GDPD4: variants seen among roughly 807,000 people sequenced by gnomAD.
GDPD4 encodes the protein glycerophosphodiester phosphodiesterase domain containing 4.
A neutral mutation model predicts 67.8 loss-of-function variants in GDPD4; 60 were observed. That is an observed-to-expected ratio of 0.88 (90% CI 0.72 to 1.10). The LOEUF is 1.10. Among genes scored for constraint, GDPD4 ranks in the 50% least tolerant of loss-of-function variants. The pLI is 0.00. For missense variants in GDPD4, 623 were observed against 613.9 expected (o/e 1.01, Z -0.16); for synonymous variants, 212 against 210.9 (o/e 1.00, Z -0.04).
intron 16 of GDPD4, 33 bp from the exon 17 acceptor site, chr11:77,217,347 T>G: frequency 6.5e-7 from 1 of 1,538,168 alleles, no homozygotes; most frequent in Non-Finnish European, 9.0e-7. Flanking sequence ...ATTCCTCAAA[T>G]GTCACTTCTC....
At chr11:77,250,750 T>C (rs990155915) in intron 11 of GDPD4, among the ~76,000 whole-genome samples, 11 of 152,342 alleles carry the variant, frequency 7.2e-5, no homozygotes, top group African/African-American at 2.6e-4. Context: ...CATAGTAGGA[T>C]GTTAAAGTCA....
chr11:77,235,024 T>TTGTTTTTTG (rs1958530456), intron 13 of GDPD4, among the ~76,000 whole-genome samples: 1 of 141,410 alleles, frequency 7.1e-6, no homozygotes, highest in Non-Finnish European at 1.6e-5. Context: ...TTTTTTTTTT[T>TTGTTTTTTG]TTTTTTTTTT....
Position 77,224,831 on chromosome 11 carries a change from G to A in GDPD4, c.1525+3033C>T, listed in dbSNP as rs183476184. Among the ~76,000 whole-genome samples the A allele has an allele frequency of 6.7e-3, 1,017 of 152,230 alleles. 1 individual carries two copies. Among genetic ancestry groups the A allele is most frequent in the Non-Finnish European group, 0.01 (690 of 68,028 alleles). On this transcript the variant is annotated intron_variant, in intron 16 of 16. Transcript: ENST00000315938. ...AAAAAACTAATATAGGCTGGGCAGG[G>A]TAGCTCACATCTGTAATTCCAGTGC...
At chr11:77,294,960 C>CTTT (rs144796072) in intron 1 of GDPD4, among the ~76,000 whole-genome samples, 34 of 66,366 alleles carry the variant, frequency 5.1e-4, no homozygotes, top group South Asian at 1.4e-3. Flanking sequence ...TACAACTTTG[C>CTTT]TTTTTTTTTT....
intron 3 of GDPD4, among the ~76,000 whole-genome samples, chr11:77,282,483 T>G (rs923699122): frequency 2.0e-5 from 3 of 147,308 alleles, no homozygotes; most frequent in African/African-American, 7.5e-5. Context: ...GCGAAACCTG[T>G]CTCCACAAAA....
chr11:77,220,599 C>T (rs62188584), intron 16 of GDPD4, among the ~76,000 whole-genome samples: 12,995 of 152,192 alleles, frequency 0.085, 1,868 homozygotes, highest in African/African-American at 0.29. Flanking sequence ...CTGCTGGATT[C>T]GGTTTGCCAG....
chr11:77,217,123 G>C lies in GDPD4; in HGVS notation c.*154C>G, dbSNP rs760152970. The stretch of plus-strand genomic sequence containing the variant: ...GCTTCAAAGGTGTGACAGCATTCTT[G>C]ATAGGTAGTAGTTTCTTGGATGGTG... On this transcript the variant is annotated 3_prime_UTR_variant, in exon 17 of 17. Coordinates refer to ENST00000315938, the MANE Select transcript of GDPD4 (RefSeq NM_182833.3). 2 of 724,088 alleles carry C rather than the reference G, an allele frequency of 2.8e-6. No homozygotes were observed. Among genetic ancestry groups the C allele is most frequent in the Admixed American group, 2.0e-5 (1 of 50,774 alleles). 44.9% of individuals were successfully genotyped at this position (724,088 alleles called of 1,614,324 possible). A position where few individuals can be genotyped will look rare whatever the true frequency, so the allele number is the denominator to read the frequency against.
intron 11 of GDPD4, among the ~76,000 whole-genome samples, chr11:77,258,114 G>C (rs1473563194): frequency 6.6e-6 from 1 of 152,190 alleles, no homozygotes. Flanking sequence ...TACTGTAAAA[G>C]CTTATGAAAT....
At chr11:77,298,117 G>C (rs913345934) in intron 1 of GDPD4, among the ~76,000 whole-genome samples, 2 of 151,288 alleles carry the variant, frequency 1.3e-5, no homozygotes, top group Non-Finnish European at 2.9e-5. Flanking sequence ...AAAAAAAAAA[G>C]ATTGAAATAA....
intron 5 of GDPD4, among the ~76,000 whole-genome samples, chr11:77,272,435 C>A (rs901308622): frequency 6.6e-6 from 1 of 152,128 alleles, no homozygotes; most frequent in Non-Finnish European, 1.5e-5. Context: ...CCAAACTTCA[C>A]TATGGATTTA....
At chr11:77,221,625 A>G (rs1277174990) in intron 16 of GDPD4, among the ~76,000 whole-genome samples, 2 of 152,050 alleles carry the variant, frequency 1.3e-5, no homozygotes, top group Non-Finnish European at 1.5e-5. Context: ...GTTCTTTTAC[A>G]TTTGCTGAGG....
intron 11 of GDPD4, among the ~76,000 whole-genome samples, chr11:77,249,413 C>A (rs1040463545): frequency 2.6e-5 from 4 of 152,018 alleles, no homozygotes; most frequent in African/African-American, 9.7e-5. Flanking sequence ...TATATTGATT[C>A]AAAAAATAAC....
intron 3 of GDPD4, 69 bp downstream of exon 3, chr11:77,285,016 G>A: frequency 1.8e-6 from 2 of 1,097,340 alleles, no homozygotes; most frequent in Non-Finnish European, 2.8e-6. Context: ...TTCAGCCTGA[G>A]GTAGAATCCA....
At chr11:77,235,039 A>ATTTTTTTTTTTT (rs1958533645) in intron 13 of GDPD4, among the ~76,000 whole-genome samples, 4 of 20,288 alleles carry the variant, frequency 2.0e-4, no homozygotes, top group Admixed American at 7.5e-4. Context: ...TTTTTTTTTG[A>ATTTTTTTTTTTT]CTTTTTAGTA....
At chr11:77,220,341 T>G (rs1201221587) in intron 16 of GDPD4, among the ~76,000 whole-genome samples, 1 of 152,132 alleles carries the variant, frequency 6.6e-6, no homozygotes, top group Non-Finnish European at 1.5e-5. Context: ...GGCTGTTGGT[T>G]TGTCATAAAT....
At chr11:77,220,364 T>G (rs904694195) in intron 16 of GDPD4, among the ~76,000 whole-genome samples, 2 of 152,208 alleles carry the variant, frequency 1.3e-5, no homozygotes, top group Non-Finnish European at 2.9e-5. Context: ...CTCTTATTAT[T>G]TTGAGATATG....
At chr11:77,233,362 A>G (rs1478948419) in intron 13 of GDPD4, among the ~76,000 whole-genome samples, 190 bp from the exon 14 acceptor site, 1 of 149,274 alleles carries the variant, frequency 6.7e-6, no homozygotes, top group Non-Finnish European at 1.5e-5. Context: ...TGGATTTAGC[A>G]CCTCTGCTCC....
intron 13 of GDPD4, among the ~76,000 whole-genome samples, chr11:77,235,026 T>TG (rs1476073440): frequency 2.2e-4 from 31 of 138,622 alleles, no homozygotes; most frequent in Non-Finnish European, 3.9e-4. Context: ...TTTTTTTTTT[T>TG]TTTTTTTTTT....
intron 11 of GDPD4, among the ~76,000 whole-genome samples, chr11:77,252,838 C>T (rs1472523407): frequency 1.3e-5 from 2 of 152,148 alleles, no homozygotes; most frequent in African/African-American, 2.4e-5. Flanking sequence ...AATTTGTTGT[C>T]GCAACAGCAG....
Sources: allele counts gnomAD v4.1 joint callset (sites outside exome capture counted in the v4.1 genomes callset), GRCh38; gene constraint gnomAD v4.1.1; transcripts MANE v1.5; gene names NCBI Gene and HGNC (gene_info 2026-07-23, HGNC 2026-07-21).